The following NRROS variants were observed in gnomAD, a reference collection of about 807,000 sequenced individuals.
NRROS encodes negative regulator of reactive oxygen species, also known as transforming growth factor beta activator LRRC33.
Under a neutral mutation model 12.0 loss-of-function variants are expected in NRROS, and 6 were observed. The observed-to-expected ratio is 0.50, with a 90% CI of 0.27 to 0.98. NRROS has a LOEUF of 0.98. Ranked by LOEUF, NRROS falls within the 50% of genes least tolerant of loss-of-function variation. The pLI is 0.11. For missense variants in NRROS, 857 were observed against 888.2 expected, an observed-to-expected ratio of 0.96 and a Z score of 0.45; for synonymous variants, 462 against 410.2, an observed-to-expected ratio of 1.13 and a Z score of -1.53.
intron 1 of NRROS, among the ~76,000 whole-genome samples, chr3:196,640,463 A>T (rs559230086): frequency 6.6e-6 from 1 of 152,276 alleles, no homozygotes; most frequent in African/African-American, 2.4e-5. Context: ...CAGCTGTGAA[A>T]ATGTGCAAAG....
At position 196,643,354 on chromosome 3, in the gene NRROS, C is replaced by T. The variant is rs193013626; in HGVS notation, c.-14+3479C>T. Among the ~76,000 whole-genome samples, 647 of 152,244 alleles carry T rather than the reference C, an allele frequency of 4.2e-3. 4 individuals carry two copies. The highest frequency in any genetic ancestry group is 5.2e-3 in the Non-Finnish European group (355 of 68,012). ...GTGAAGAAAGGAGGAAGTGGAACCT[C>T]GTCATGGTCCTCACCCACGAGGTGG... On this transcript the variant is annotated intron_variant, in intron 1 of 2. Coordinates refer to ENST00000328557, the MANE Select transcript of NRROS (RefSeq NM_198565.3).
In NRROS at chr3:196,659,880, T is replaced by C; in HGVS notation, c.237T>C (p.Pro79=). 6.2e-7 allele frequency: 1 copy of C among 1,614,036 alleles called. No homozygotes were observed. Among genetic ancestry groups the C allele is most frequent in the Non-Finnish European group, 8.5e-7 (1 of 1,179,964 alleles). ...LKTLWNHSLQ[P]YPLLESLSLH... ...CCCTGTGGAATCACTCCCTCCAGCC[T>C]TACCCTCTCCTGGAGAGCCTCAGCC... Residue 79 remains proline (P), a synonymous_variant, in exon 3 of 3, where the codon CCT becomes CCC. Coordinates refer to ENST00000328557, the MANE Select transcript of NRROS (RefSeq NM_198565.3).
At chr3:196,643,616 G>T (rs1313177521) in intron 1 of NRROS, among the ~76,000 whole-genome samples, 1 of 152,212 alleles carries the variant, frequency 6.6e-6, no homozygotes, top group Non-Finnish European at 1.5e-5. Flanking sequence ...TCTCAAGCAG[G>T]ACCTAAGTGT....
rs1402502025 is a variant in NRROS, at chr3:196,660,007, G to A, written c.364G>A (p.Glu122Lys). 3 of 1,613,540 alleles carry A rather than the reference G, an allele frequency of 1.9e-6. No homozygotes were observed. Among genetic ancestry groups the A allele is most frequent in the East Asian group, 2.2e-5 (1 of 44,864 alleles). Residue 122 changes from glutamate to lysine, a missense_variant, in exon 3 of 3, where the codon GAA (glutamate) becomes AAA (lysine). Glu to Lys is a moderately conservative substitution (Grantham distance 56). Transcript: ENST00000328557. This position sits in a 1 kb window ranked among gnomAD's most constrained non-coding sequence, Gnocchi z 7.7. ...GGACAACTGCCTCTCAGAGAACTAC[G>A]AAGAGACGGCAGCCGCCCTCCACGC... Reference protein sequence around the residue: ...LGDNCLSENYEETAAALHALP... With the variant: ...LGDNCLSENYKETAAALHALP...
chr3:196,645,754 G>A (rs1005169919), intron 1 of NRROS, among the ~76,000 whole-genome samples: 33 of 152,162 alleles, frequency 2.2e-4, no homozygotes, highest in African/African-American at 5.6e-4. Context: ...CCACTAAGCC[G>A]CTGTCATCAC....
intron 2 of NRROS, among the ~76,000 whole-genome samples, chr3:196,655,679 C>T (rs1158311921): frequency 6.6e-6 from 1 of 152,190 alleles, no homozygotes; most frequent in Non-Finnish European, 1.5e-5. Flanking sequence ...TACACAGCTG[C>T]GGGGAGGACT....
At chr3:196,655,999 C>T (rs1312886075) in intron 2 of NRROS, among the ~76,000 whole-genome samples, 1 of 152,102 alleles carries the variant, frequency 6.6e-6, no homozygotes, top group Non-Finnish European at 1.5e-5. Flanking sequence ...AGTAAAAACC[C>T]GTCTCTACTA....
rs1346764478 is a variant in NRROS at position 196,661,001 on chromosome 3, CT to C, written c.1359del (p.Ser454AlafsTer11). 2 of 1,614,118 alleles carry C rather than the reference CT, an allele frequency of 1.2e-6. No homozygotes were observed. The highest frequency in any genetic ancestry group is 1.7e-6 in the Non-Finnish European group (2 of 1,179,996). On this transcript the variant is annotated frameshift_variant, in exon 3 of 3. Coordinates refer to ENST00000328557, the MANE Select transcript of NRROS (RefSeq NM_198565.3). LOFTEE classifies it low-confidence loss of function (END_TRUNC). ...LPAASDRVGPPSCVDFRNMAS... is the reference protein window; with the variant it reads ...LPAASDRVGPXSCVDFRNMAS... ...GCTGCCTCGGACCGGGTGGGCCCCC[CT>C]AGCTGTGTGGATTTCAGGAATATGG...
Position 196,660,968 on chromosome 3 carries a change from C to G in NRROS, c.1325C>G (p.Pro442Arg). Residue 442 changes from proline to arginine, a missense_variant, in exon 3 of 3, where the codon CCC becomes CGC. Transcript: ENST00000328557. This position sits in a 1 kb window ranked among gnomAD's most constrained non-coding sequence, Gnocchi z 7.7. ...AGCCACAATCAGATCTCACTTTGTC[C>G]CCTGCCAGCTGCCTCGGACCGGGTG... Reference protein sequence around the residue: ...DMSHNQISLCPLPAASDRVGP... With the variant: ...DMSHNQISLCRLPAASDRVGP... The G allele has an allele frequency of 3.1e-6, 5 of 1,614,192 alleles. No individual in the cohort carries two copies. The highest frequency in any genetic ancestry group is 4.2e-6 in the Non-Finnish European group (5 of 1,180,046).
intron 2 of NRROS, among the ~76,000 whole-genome samples, chr3:196,655,650 C>T (rs542757910): frequency 5.9e-5 from 9 of 152,268 alleles, no homozygotes; most frequent in Admixed American, 2.0e-4. Context: ...AGTTTGTGGA[C>T]GAGTTGACCG....
rs764192192 is a variant in NRROS, at chr3:196,661,713, C to T, written c.2070C>T (p.Ser690=). The T allele has an allele frequency of 1.3e-5, 21 of 1,588,528 alleles. No homozygotes were observed. Among genetic ancestry groups the T allele is most frequent in the African/African-American group, 1.1e-4 (8 of 74,720 alleles). ...QVIKSRCHWS[S]VY ...TCAAGAGCCGCTGCCACTGGTCCTC[C>T]GTTTACTGACCTGGCTGTGTGCCAA... is the stretch of plus-strand genomic sequence containing the variant. Residue 690 remains serine, a synonymous_variant, in exon 3 of 3, where the codon TCC becomes TCT. Coordinates refer to ENST00000328557, the MANE Select transcript of NRROS (RefSeq NM_198565.3).
At position 196,652,259 on chromosome 3, in the gene NRROS, C is replaced by A. The variant is rs574592371; in HGVS notation, c.-13-2268C>A. 2.0e-4 allele frequency among the ~76,000 whole-genome samples: 30 copies of A among 152,328 alleles called. No homozygotes were observed. The South Asian group carries it at 5.8e-3, about 29-fold the overall frequency. On this transcript the variant is annotated intron_variant, in intron 1 of 2. Transcript: ENST00000328557. ...TTTTAGACTTTGTGTAGCTGTTGAA[C>A]TACCTTGGAGATTACACAGGAATAA...
chr3:196,659,729 G>A (rs1276377852), intron 2 of NRROS, 23 bp from the exon 3 acceptor site: 1 of 1,592,676 alleles, frequency 6.3e-7, no homozygotes, highest in Non-Finnish European at 8.6e-7. Context: ...CCTCGCTGCT[G>A]ACCGGTGTGG....
chr3:196,658,564 C>T (rs975597673), intron 2 of NRROS, among the ~76,000 whole-genome samples: 17 of 152,240 alleles, frequency 1.1e-4, no homozygotes, highest in African/African-American at 4.1e-4. Flanking sequence ...TGTTGCCGTG[C>T]TGCACTTGCC....
intron 1 of NRROS, among the ~76,000 whole-genome samples, chr3:196,651,502 C>A (rs906486846): frequency 6.6e-6 from 1 of 152,026 alleles, no homozygotes; most frequent in Non-Finnish European, 1.5e-5. Flanking sequence ...CACCATGACT[C>A]ACGCCTGTAA....
chr3:196,660,390 C>G lies in NRROS; in HGVS notation c.747C>G (p.Ala249=). ...TCCTCGCGACCGGGGGAGAGGCTGC[C>G]TTCGAGCTGGAGACGCTGGACCTGT... ...EWFLATGGEA[A]FELETLDLSH... is the part of the protein sequence containing the mutation. Residue 249 remains alanine (A), a synonymous_variant, in exon 3 of 3, where the codon GCC becomes GCG. Transcript: ENST00000328557. This position sits in a 1 kb window ranked among gnomAD's most constrained non-coding sequence, Gnocchi z 7.7. The G allele has an allele frequency of 6.2e-7, 1 of 1,613,988 alleles. No homozygotes were observed. The highest frequency in any genetic ancestry group is 8.5e-7 in the Non-Finnish European group (1 of 1,179,952).
rs1447184470 is a variant in NRROS, at chr3:196,660,774, G to C, written c.1131G>C (p.Ala377=). Residue 377 remains alanine, a synonymous_variant, in exon 3 of 3, where the codon GCG becomes GCC. Coordinates refer to ENST00000328557, the MANE Select transcript of NRROS (RefSeq NM_198565.3). This position sits in a 1 kb window ranked among gnomAD's most constrained non-coding sequence, Gnocchi z 7.7. The part of the protein sequence containing the change: ...LHIREHEPPG[A]LTELDLSHNQ... ...TTCGGGAGCACGAGCCCCCCGGAGC[G>C]CTCACCGAGCTGGACCTGAGCCACA... 1 of 1,613,666 alleles carries C rather than the reference G, an allele frequency of 6.2e-7. No individual in the cohort carries two copies. Among genetic ancestry groups the C allele is most frequent in the African/African-American group, 1.3e-5 (1 of 75,052 alleles).
At chr3:196,650,011 C>T (rs1004584248) in intron 1 of NRROS, among the ~76,000 whole-genome samples, 32 of 152,112 alleles carry the variant, frequency 2.1e-4, no homozygotes, top group African/African-American at 6.8e-4. Flanking sequence ...GTAAGGTGTC[C>T]GAGCAGCTCC....
At chr3:196,644,200 C>T (rs975497924) in intron 1 of NRROS, among the ~76,000 whole-genome samples, 2 of 152,142 alleles carry the variant, frequency 1.3e-5, no homozygotes, top group Non-Finnish European at 2.9e-5. Flanking sequence ...CTGACAGCCC[C>T]CGTCTTGCTT....
Sources: allele counts gnomAD v4.1 joint callset (sites outside exome capture counted in the v4.1 genomes callset), GRCh38; gene constraint gnomAD v4.1.1; non-coding constraint Gnocchi (gnomAD v3.1); transcripts MANE v1.5; gene names NCBI Gene and HGNC (gene_info 2026-07-23, HGNC 2026-07-21).